Variants in PPFIBP1 observed in about 807,000 individuals in gnomAD.
PPFIBP1 encodes the protein liprin-beta-1.
PPFIBP1 carries 112 observed loss-of-function variants against 137.8 expected under a neutral mutation model. The observed-to-expected ratio is 0.81, with a 90% CI of 0.70 to 0.95. PPFIBP1 has a LOEUF of 0.95. Ranked by LOEUF, PPFIBP1 falls within the 40% of genes least tolerant of loss-of-function variation. PPFIBP1 has a pLI of 0.00. For missense variants in PPFIBP1, 1,083 were observed against 1,196.6 expected, an observed-to-expected ratio of 0.91 and a Z score of 1.40; for synonymous variants, 378 against 417.3, an observed-to-expected ratio of 0.91 and a Z score of 1.15.
chr12:27,608,652 T>C, intron 2 of PPFIBP1: 1 of 436,498 alleles, frequency 2.3e-6, no homozygotes, highest in African/African-American at 2.1e-5. Flanking sequence ...AAACTTGCAT[T>C]TACAAAATAG....
At chr12:27,528,735 A>G (rs1944060733) in intron 1 of PPFIBP1, among the ~76,000 whole-genome samples, 1 of 152,184 alleles carries the variant, frequency 6.6e-6, no homozygotes, top group Non-Finnish European at 1.5e-5. Context: ...TAGATAAAAG[A>G]AATATGGGTT....
chr12:27,561,662 C>G (rs2049173015), intron 1 of PPFIBP1, among the ~76,000 whole-genome samples: 1 of 152,128 alleles, frequency 6.6e-6, no homozygotes, highest in South Asian at 2.1e-4. Flanking sequence ...TCATCTCAAC[C>G]TTGTTCAGTT....
intron 1 of PPFIBP1, among the ~76,000 whole-genome samples, chr12:27,561,878 AC>A (rs1434761280): frequency 1.3e-5 from 2 of 152,072 alleles, no homozygotes; most frequent in Non-Finnish European, 2.9e-5. Flanking sequence ...GCCCATCTGT[AC>A]AAAAAAAAAT....
intron 27 of PPFIBP1, among the ~76,000 whole-genome samples, chr12:27,690,707 A>G (rs1036536882): frequency 6.6e-6 from 1 of 152,238 alleles, no homozygotes; most frequent in African/African-American, 2.4e-5. Context: ...TATTGATTGC[A>G]GTTGTTCTGT....
chr12:27,563,149 C>G (rs2049299805), intron 1 of PPFIBP1, among the ~76,000 whole-genome samples: 1 of 150,920 alleles, frequency 6.6e-6, no homozygotes, highest in Non-Finnish European at 1.5e-5. Flanking sequence ...CTTTTAAAAG[C>G]AGACAATTCA....
intron 2 of PPFIBP1, among the ~76,000 whole-genome samples, chr12:27,605,065 T>C (rs2054386579): frequency 6.6e-6 from 1 of 152,056 alleles, no homozygotes; most frequent in African/African-American, 2.4e-5. Context: ...ATGGGAATTG[T>C]GGGAGCTACA....
chr12:27,599,694 G>A (rs1436629590), intron 2 of PPFIBP1, among the ~76,000 whole-genome samples: 2 of 152,118 alleles, frequency 1.3e-5, no homozygotes, highest in Non-Finnish European at 2.9e-5. Flanking sequence ...GAGACATCCT[G>A]AACCTGTGAT....
At chr12:27,676,801 C>T in intron 18 of PPFIBP1, 1 of 702,726 alleles carries the variant, frequency 1.4e-6, no homozygotes, top group Non-Finnish European at 2.5e-6. Flanking sequence ...ACCCTGCTCT[C>T]TCCTGTGGTA....
At chr12:27,530,210 T>C (rs183176526) in intron 1 of PPFIBP1, among the ~76,000 whole-genome samples, 105 of 152,326 alleles carry the variant, frequency 6.9e-4, no homozygotes, top group Non-Finnish European at 1.3e-3. Flanking sequence ...TTTGTTTGCA[T>C]TGGAATTTGA....
At chr12:27,558,262 T>TGTTTG (rs369035332) in intron 1 of PPFIBP1, among the ~76,000 whole-genome samples, 2 of 148,176 alleles carry the variant, frequency 1.3e-5, no homozygotes, top group African/African-American at 5.0e-5. Context: ...CTGGGTTTTT[T>TGTTTG]TTTTGTTTTG....
intron 8 of PPFIBP1, chr12:27,655,363 A>T: frequency 1.6e-6 from 1 of 634,510 alleles, no homozygotes; most frequent in East Asian, 2.8e-5. Context: ...ATTACAAATC[A>T]CCTCAAGCTG....
At chr12:27,553,680 C>A (rs1442676630) in intron 1 of PPFIBP1, among the ~76,000 whole-genome samples, 1 of 152,224 alleles carries the variant, frequency 6.6e-6, no homozygotes, top group African/African-American at 2.4e-5. Flanking sequence ...GCATTCACAA[C>A]TGCAGGGGGC....
At chr12:27,645,911 C>G (rs542204975) in intron 4 of PPFIBP1, 151 bp from the exon 5 acceptor site, 1 of 602,452 alleles carries the variant, frequency 1.7e-6, no homozygotes, top group Non-Finnish European at 2.9e-6. Flanking sequence ...GTAAATGAAC[C>G]AAATTGCATT....
At chr12:27,645,438 A>ATT (rs57495507) in intron 4 of PPFIBP1, among the ~76,000 whole-genome samples, 1 of 151,624 alleles carries the variant, frequency 6.6e-6, no homozygotes, top group African/African-American at 2.4e-5. Context: ...CTGAAACATG[A>ATT]TTTTTTTTTA....
chr12:27,573,554 G>A (rs2050309471), intron 1 of PPFIBP1, among the ~76,000 whole-genome samples: 1 of 152,184 alleles, frequency 6.6e-6, no homozygotes, highest in South Asian at 2.1e-4. Context: ...GAGGCATGAA[G>A]ACCAAACATG....
intron 8 of PPFIBP1, chr12:27,655,183 G>A (rs1366428289): frequency 1.3e-6 from 2 of 1,535,926 alleles, no homozygotes; most frequent in Non-Finnish European, 1.7e-6. Flanking sequence ...ATCAAGGTGG[G>A]TCAGATGCAG....
intron 1 of PPFIBP1, among the ~76,000 whole-genome samples, chr12:27,544,643 G>A (rs1946034367): frequency 6.6e-6 from 1 of 152,186 alleles, no homozygotes; most frequent in Non-Finnish European, 1.5e-5. Context: ...ATGAAAAAAA[G>A]CTCATCATCA....
At chr12:27,661,052 A>T in intron 11 of PPFIBP1, 107 bp downstream of exon 11, 1 of 1,459,170 alleles carries the variant, frequency 6.9e-7, no homozygotes, top group Non-Finnish European at 9.2e-7. Flanking sequence ...TGCCCAGAAC[A>T]CTGCTAGGAG....
intron 4 of PPFIBP1, among the ~76,000 whole-genome samples, chr12:27,641,803 A>G (rs2058121005): frequency 6.6e-6 from 1 of 152,172 alleles, no homozygotes; most frequent in Admixed American, 6.5e-5. Flanking sequence ...AAATAATCAA[A>G]TCATCTATCA....
Sources: gnomAD v4.1 joint callset for allele counts (sites outside exome capture counted in the v4.1 genomes callset) on GRCh38, gnomAD v4.1.1 for gene constraint, MANE v1.5 for transcripts, NCBI Gene and HGNC (gene_info 2026-07-23, HGNC 2026-07-21) for gene names.